Variants in PPP1R12C observed in about 807,000 individuals in gnomAD.
PPP1R12C encodes the protein protein phosphatase 1 regulatory subunit 12C.
In PPP1R12C, 48 loss-of-function variants were observed where a neutral mutation model predicts 95.6. The observed-to-expected ratio is 0.50, with a 90% CI of 0.40 to 0.64. The LOEUF is 0.64. PPP1R12C is among the 30% of genes least tolerant of loss of function. PPP1R12C has a pLI of 0.00. For missense variants in PPP1R12C, 1,057 were observed against 1,083.3 expected, an observed-to-expected ratio of 0.98 and a Z score of 0.34; for synonymous variants, 480 against 460.8, an observed-to-expected ratio of 1.04 and a Z score of -0.53.
chr19:55,108,788 C>A (rs2085065448), intron 3 of PPP1R12C, among the ~76,000 whole-genome samples: 1 of 152,212 alleles, frequency 6.6e-6, no homozygotes, highest in Non-Finnish European at 1.5e-5. Flanking sequence ...CTCACCACAA[C>A]CTCCACCTCC....
rs1335727583 is a variant in PPP1R12C, at chr19:55,117,635, A to C, written c.-92T>G. 1 of 794,860 alleles carries C rather than the reference A, an allele frequency of 1.3e-6. No individual in the cohort carries two copies. The highest frequency in any genetic ancestry group is 1.5e-6 in the Non-Finnish European group (1 of 666,966). 49.2% of individuals were successfully genotyped at this position (794,860 alleles called of 1,614,324 possible). A position where few individuals can be genotyped will look rare whatever the true frequency, so the allele number is the denominator to read the frequency against. On this transcript the variant is annotated 5_prime_UTR_variant, in exon 1 of 22. Transcript: ENST00000263433. ...CCGCCCGCCCCGGGGGCCGCCGGGA[A>C]CTGCCGCTGGCCCCCCACCGCCCCA...
At chr19:55,102,783 T>G (rs1338091369) in intron 4 of PPP1R12C, among the ~76,000 whole-genome samples, 2 of 152,224 alleles carry the variant, frequency 1.3e-5, no homozygotes, top group Middle Eastern at 3.2e-3. Flanking sequence ...CCGACTTACA[T>G]GTACTGGGGT....
intron 4 of PPP1R12C, among the ~76,000 whole-genome samples, chr19:55,099,660 C>T (rs1203102163): frequency 1.3e-5 from 2 of 152,240 alleles, no homozygotes; most frequent in Non-Finnish European, 2.9e-5. Flanking sequence ...GCTCCACACC[C>T]GGCTGCGCTC....
intron 1 of PPP1R12C, 45 bp downstream of exon 1, chr19:55,117,178 G>C: frequency 8.2e-7 from 1 of 1,213,288 alleles, no homozygotes; most frequent in African/African-American, 1.6e-5. Context: ...TGGCGCAGCA[G>C]AGGGTGGACC....
At chr19:55,114,507 GC>G in intron 1 of PPP1R12C, 1 of 152,534 alleles carries the variant, frequency 6.6e-6, no homozygotes, top group Non-Finnish European at 1.5e-5. Context: ...GGAGAAACTG[GC>G]CGGGAATCAA....
At chr19:55,094,628 G>A (rs1455960410) in intron 12 of PPP1R12C, 33 bp downstream of exon 12, 3 of 1,547,300 alleles carry the variant, frequency 1.9e-6, no homozygotes, top group Non-Finnish European at 2.6e-6. Context: ...TGCTGGGGGC[G>A]GGGGCGGCAG....
intron 1 of PPP1R12C, 27 bp from the exon 2 acceptor site, chr19:55,112,822 G>A (rs373433209): frequency 6.3e-5 from 101 of 1,608,894 alleles, no homozygotes; most frequent in African/African-American, 1.1e-4. Context: ...GCCGTCAGCC[G>A]CACCTACCCC....
chr19:55,106,333 C>T (rs1306849258), intron 3 of PPP1R12C, among the ~76,000 whole-genome samples: 3 of 152,212 alleles, frequency 2.0e-5, no homozygotes, highest in African/African-American at 2.4e-5. Context: ...AGGCCTCTCT[C>T]GGGCTGCCCA....
intron 4 of PPP1R12C, among the ~76,000 whole-genome samples, chr19:55,099,598 A>G (rs2084959785): frequency 6.6e-6 from 1 of 152,072 alleles, no homozygotes. Context: ...CTTTGTTGTC[A>G]TAACTTAGGG....
rs181562014 is a variant in PPP1R12C, at chr19:55,103,873, G to A, written c.572-305C>T. Among the ~76,000 whole-genome samples the A allele has an allele frequency of 1.5e-4, 23 of 151,756 alleles. No individual in the cohort carries two copies. The East Asian group carries it at 3.9e-3, about 25-fold the overall frequency. On this transcript the variant is annotated intron_variant, in intron 3 of 21. Transcript: ENST00000263433. Reference sequence around the variant, plus strand: ...TTATTTTTAATATAAAACCATGGCCGGGTGCAGTGGCTCATGCCTGCAATC... The same window carrying A: ...TTATTTTTAATATAAAACCATGGCCAGGTGCAGTGGCTCATGCCTGCAATC...
chr19:55,094,423 C>T lies in PPP1R12C; in HGVS notation c.1605G>A (p.Met535Ile), dbSNP rs753112450. 5 of 1,613,812 alleles carry T rather than the reference C, an allele frequency of 3.1e-6. No homozygotes were observed. The highest frequency in any genetic ancestry group is 2.2e-5 in the East Asian group (1 of 44,886). The change falls in exon 13 of 22, where the codon ATG becomes ATA. Residue 535 changes from methionine (M) to isoleucine (I), a missense_variant. This residue lies in a region of PPP1R12C where 356 missense variants were observed against 330.5 expected (regional missense o/e 1.08). Coordinates refer to ENST00000263433, the MANE Select transcript of PPP1R12C (RefSeq NM_017607.4). ...ATTCCGACTCCTCATCCCGCACAGG[C>T]ATCTGGTAGGACCTGAGGGAAGGGT... ...DSRDRRRSYQ[M>I]PVRDEESESQ...
At chr19:55,095,805 T>C in intron 9 of PPP1R12C, 62 bp downstream of exon 9, 1 of 1,573,098 alleles carries the variant, frequency 6.4e-7, no homozygotes, top group South Asian at 1.1e-5. Context: ...GTTCACAGGC[T>C]GTATGGAATC....
At chr19:55,113,396 G>T (rs2085119183) in intron 1 of PPP1R12C, 2 of 1,473,818 alleles carry the variant, frequency 1.4e-6, no homozygotes, top group Non-Finnish European at 1.8e-6. Context: ...GCACACCTGT[G>T]TGCCTGGGCC....
intron 4 of PPP1R12C, among the ~76,000 whole-genome samples, chr19:55,101,417 C>G (rs1383892503): frequency 6.6e-6 from 1 of 152,220 alleles, no homozygotes; most frequent in African/African-American, 2.4e-5. Flanking sequence ...CACACAGGCC[C>G]CCTGGCCGGA....
rs745792446 is a variant in PPP1R12C at position 55,109,816 on chromosome 19, G to A, written c.571+2651C>T. Among the ~76,000 whole-genome samples the A allele has an allele frequency of 7.2e-5, 11 of 152,182 alleles. No homozygotes were observed. The highest frequency in any genetic ancestry group is 1.2e-4 in the Non-Finnish European group (8 of 68,028). On this transcript the variant is annotated intron_variant, in intron 3 of 21. Transcript: ENST00000263433. This position sits in a 1 kb window ranked among gnomAD's most constrained non-coding sequence, Gnocchi z 4.4. ...GTGCAGCCTGTGATCCAGGTCCTGC[G>A]CACTGCAGCCCCTCTGAGGCTCCTG...
chr19:55,107,513 T>C (rs1162527185), intron 3 of PPP1R12C, among the ~76,000 whole-genome samples: 3 of 152,146 alleles, frequency 2.0e-5, no homozygotes, highest in Non-Finnish European at 4.4e-5. Context: ...CATGGAATAC[T>C]ATGCAGCCAT....
Position 55,091,439 on chromosome 19 carries a change from G to A in PPP1R12C, c.*33C>T. 1.9e-6 allele frequency: 3 copies of A among 1,588,016 alleles called. No individual in the cohort carries two copies. Among genetic ancestry groups the A allele is most frequent in the South Asian group, 2.2e-5 (2 of 90,074 alleles). On this transcript the variant is annotated 3_prime_UTR_variant, in exon 22 of 22. Transcript: ENST00000263433. ...AGGGGTGCGTGTGGCAGAAGCAGCT[G>A]TATAAATACGGGTGCGGGAAAGTCC...
At chr19:55,098,327 G>A (rs1423042919) in intron 6 of PPP1R12C, among the ~76,000 whole-genome samples, 1 of 152,224 alleles carries the variant, frequency 6.6e-6, no homozygotes, top group Non-Finnish European at 1.5e-5. Flanking sequence ...GGCAGAGCCG[G>A]GATTCCAACC....
chr19:55,112,611 G>A, intron 2 of PPP1R12C, 26 bp from the exon 3 acceptor site: 1 of 1,612,470 alleles, frequency 6.2e-7, no homozygotes, highest in Non-Finnish European at 8.5e-7. Context: ...GGTCAGGGCT[G>A]AGGGTCCAGG....
Sources: allele counts gnomAD v4.1 joint callset (sites outside exome capture counted in the v4.1 genomes callset), GRCh38; gene constraint gnomAD v4.1.1; regional missense constraint gnomAD v4.1.1; non-coding constraint Gnocchi (gnomAD v3.1); transcripts MANE v1.5; gene names NCBI Gene and HGNC (gene_info 2026-07-23, HGNC 2026-07-21).